Variants in NTM observed in about 807,000 individuals in gnomAD.
The protein encoded by NTM is neurotrimin, also known as IgLON family member 2.
Under a neutral mutation model 42.1 loss-of-function variants are expected in NTM, and 13 were observed. The observed-to-expected ratio is 0.31, with a 90% confidence interval of 0.20 to 0.49. The LOEUF (loss-of-function observed/expected upper bound fraction) is 0.49, where lower values mean the gene tolerates loss of function less well. Among genes scored for constraint, NTM ranks in the 20% least tolerant of loss-of-function variants. NTM has a pLI of 0.99. For missense variants in NTM, 373 were observed against 452.8 expected, an observed-to-expected ratio of 0.82 and a Z score of 1.60; for synonymous variants, 187 against 179.2, an observed-to-expected ratio of 1.04 and a Z score of -0.35.
chr11:131,700,177 T>C (rs2075932047), intron 1 of NTM, among the ~76,000 whole-genome samples: 1 of 152,184 alleles, frequency 6.6e-6, no homozygotes, highest in Admixed American at 6.5e-5. Context: ...TTGTTATTTC[T>C]GATTATATTG....
At chr11:131,415,437 C>T (rs1485064401) in intron 1 of NTM, among the ~76,000 whole-genome samples, 1 of 152,198 alleles carries the variant, frequency 6.6e-6, no homozygotes, top group Non-Finnish European at 1.5e-5. Flanking sequence ...ATGGGAAATG[C>T]TTAGCTAATT....
chr11:132,278,763 C>CTCTA (rs1490834081), intron 4 of NTM, among the ~76,000 whole-genome samples: 1 of 149,742 alleles, frequency 6.7e-6, no homozygotes, highest in Non-Finnish European at 1.5e-5. Flanking sequence ...CTCTCTCTCT[C>CTCTA]TCTCTCTCTC....
intron 1 of NTM, among the ~76,000 whole-genome samples, chr11:131,801,791 C>G (rs1321732559): frequency 1.3e-5 from 2 of 152,166 alleles, no homozygotes; most frequent in African/African-American, 2.4e-5. Flanking sequence ...GTGCTCTTCC[C>G]GTAACACGTT....
At chr11:131,976,159 TCTTC>T (rs1357880821) in intron 2 of NTM, among the ~76,000 whole-genome samples, 1 of 42,954 alleles carries the variant, frequency 2.3e-5, no homozygotes, top group Non-Finnish European at 4.5e-5. Context: ...TTCCTTCCTT[TCTTC>T]CTTCCTTCCT....
chr11:131,688,235 G>A (rs56365716), intron 1 of NTM, among the ~76,000 whole-genome samples: 14,026 of 152,176 alleles, frequency 0.092, 2,162 homozygotes, highest in African/African-American at 0.32. Context: ...CTCCCGGGGC[G>A]GGGGAGGGCC....
At chr11:132,219,497 CTTAAT>C (rs2084658249) in intron 4 of NTM, among the ~76,000 whole-genome samples, 1 of 151,732 alleles carries the variant, frequency 6.6e-6, no homozygotes, top group African/African-American at 2.4e-5. Flanking sequence ...TTAAGTCTCT[CTTAAT>C]TTAATATGTA....
At chr11:131,699,140 T>G (rs1178453256) in intron 1 of NTM, among the ~76,000 whole-genome samples, 1 of 152,186 alleles carries the variant, frequency 6.6e-6, no homozygotes, top group African/African-American at 2.4e-5. Flanking sequence ...GTAATTAAAC[T>G]CCCACATTGG....
chr11:131,859,321 T>C (rs1315564612), intron 1 of NTM, among the ~76,000 whole-genome samples: 1 of 152,228 alleles, frequency 6.6e-6, no homozygotes, highest in Non-Finnish European at 1.5e-5. Context: ...AAAGCTCTTA[T>C]TTCTTAAAAC....
chr11:131,812,381 A>C (rs967670667), intron 1 of NTM, among the ~76,000 whole-genome samples: 7 of 152,200 alleles, frequency 4.6e-5, no homozygotes, highest in African/African-American at 1.7e-4. Flanking sequence ...GCATTCAGGC[A>C]TGAGGATAGA....
intron 3 of NTM, among the ~76,000 whole-genome samples, chr11:132,155,798 A>G (rs1181121848): frequency 1.3e-5 from 2 of 152,194 alleles, no homozygotes; most frequent in Non-Finnish European, 2.9e-5. Context: ...CACATAAACC[A>G]TCATGTGTCA....
intron 7 of NTM, among the ~76,000 whole-genome samples, chr11:132,327,657 A>T (rs2095711312): frequency 6.6e-6 from 1 of 152,218 alleles, no homozygotes; most frequent in Non-Finnish European, 1.5e-5. Flanking sequence ...GGATTCAGCC[A>T]AACTGGCTTT....
At chr11:132,142,028 C>T (rs1566281916) in intron 2 of NTM, among the ~76,000 whole-genome samples, 1 of 152,176 alleles carries the variant, frequency 6.6e-6, no homozygotes, top group South Asian at 2.1e-4. Flanking sequence ...GTCCAGAATC[C>T]TCAAGGGAAC....
chr11:132,300,584 C>T (rs1471352277), intron 4 of NTM, among the ~76,000 whole-genome samples: 3 of 152,178 alleles, frequency 2.0e-5, no homozygotes, highest in Admixed American at 6.5e-5. Context: ...GCAGATCATT[C>T]GACATGAATG....
chr11:132,291,762 A>G (rs909832818), intron 4 of NTM, among the ~76,000 whole-genome samples: 7 of 152,212 alleles, frequency 4.6e-5, no homozygotes. Context: ...TAAAGGAGTG[A>G]GTTGTCAGCT....
At chr11:132,151,823 G>T (rs1262953823) in intron 3 of NTM, among the ~76,000 whole-genome samples, 1 of 152,196 alleles carries the variant, frequency 6.6e-6, no homozygotes, top group Non-Finnish European at 1.5e-5. Flanking sequence ...CACTTCGTGT[G>T]TTAAAGTAAT....
At chr11:132,149,604 C>T (rs1041848317) in intron 3 of NTM, among the ~76,000 whole-genome samples, 23 of 152,142 alleles carry the variant, frequency 1.5e-4, no homozygotes, top group African/African-American at 5.3e-4. Context: ...TCAAATATCC[C>T]ATCTACCCCC....
intron 2 of NTM, among the ~76,000 whole-genome samples, chr11:132,089,556 A>T (rs1267570574): frequency 1.3e-5 from 2 of 152,238 alleles, no homozygotes; most frequent in African/African-American, 2.4e-5. Context: ...CTCTTCAATT[A>T]GGACACAAAA....
chr11:131,640,732 T>A (rs752850767), intron 1 of NTM, among the ~76,000 whole-genome samples: 6 of 152,288 alleles, frequency 3.9e-5, no homozygotes, highest in African/African-American at 7.2e-5. Context: ...GATGTCCTTG[T>A]CCCACCCACT....
intron 2 of NTM, among the ~76,000 whole-genome samples, chr11:132,007,998 T>C (rs2071202286): frequency 6.6e-6 from 1 of 152,124 alleles, no homozygotes; most frequent in South Asian, 2.1e-4. Context: ...AGGAAAATGT[T>C]AGGTGGGCGT....
Sources: gnomAD v4.1 joint callset for allele counts (sites outside exome capture counted in the v4.1 genomes callset) on GRCh38, gnomAD v4.1.1 for gene constraint, MANE v1.5 for transcripts, NCBI Gene and HGNC (gene_info 2026-07-23, HGNC 2026-07-21) for gene names.